The following KLF17 variants were observed in gnomAD, a reference collection of about 807,000 sequenced individuals.
KLF17 encodes KLF transcription factor 17, also known as Krueppel-like factor 17.
In KLF17, 31 loss-of-function variants were observed where a neutral mutation model predicts 34.2. That is an observed-to-expected ratio of 0.91 (90% CI 0.68 to 1.22). The LOEUF (loss-of-function observed/expected upper bound fraction) is 1.22. Among genes scored for constraint, KLF17 ranks in the 50% most tolerant of loss-of-function variants. The pLI, the probability that KLF17 is intolerant of heterozygous loss-of-function variation, is 0.00. For synonymous variants in KLF17, 179 were observed against 186.7 expected (o/e 0.96, Z 0.34); for missense variants, 478 against 505.2 (o/e 0.95, Z 0.52).
At chr1:44,117,859 GC>G (rs1315280239), upstream of KLF17, among the ~76,000 whole-genome samples, 1 of 152,142 alleles carries the variant, frequency 6.6e-6, no homozygotes, top group East Asian at 1.9e-4. Flanking sequence ...TCCATAAGGA[GC>G]CAAATGGTTT....
the KLF17 span, among the ~76,000 whole-genome samples, chr1:44,072,652 C>T: frequency 3.1e-4 from 47 of 152,170 alleles, no homozygotes; most frequent in Non-Finnish European, 6.3e-4. Flanking sequence ...TATGATCACA[C>T]CACTGCACCC....
chr1:44,128,293 G>A (rs1434355212), intron 1 of KLF17, among the ~76,000 whole-genome samples: 3 of 152,084 alleles, frequency 2.0e-5, no homozygotes, highest in African/African-American at 7.2e-5. Context: ...CAATCCACCT[G>A]CCTCGGCCTC....
At chr1:44,060,505 G>T in the KLF17 span, among the ~76,000 whole-genome samples, 2 of 152,204 alleles carry the variant, frequency 1.3e-5, no homozygotes, top group African/African-American at 2.4e-5. Flanking sequence ...ATGAACATAT[G>T]TTGGCCACCC....
intron 1 of KLF17, among the ~76,000 whole-genome samples, chr1:44,129,109 G>T (rs1442654624): frequency 6.6e-5 from 10 of 151,976 alleles, no homozygotes; most frequent in Non-Finnish European, 1.2e-4. Flanking sequence ...TTGTTGCTTT[G>T]TGTGAAATAA....
the KLF17 span, chr1:44,048,492 T>C: frequency 6.6e-6 from 1 of 152,236 alleles, no homozygotes; most frequent in Non-Finnish European, 1.5e-5. Context: ...TAATGGTGAG[T>C]ATTTTTGTCT....
chr1:44,090,951 C>T, the KLF17 span, among the ~76,000 whole-genome samples: 381 of 132,638 alleles, frequency 2.9e-3, 1 homozygote, highest in Middle Eastern at 7.6e-3. Flanking sequence ...CACACACACA[C>T]GCACGCATGC....
At chr1:44,120,252 G>A (rs564991148) in intron 1 of KLF17, among the ~76,000 whole-genome samples, 98 of 152,228 alleles carry the variant, frequency 6.4e-4, no homozygotes, top group Non-Finnish European at 1.2e-3. Flanking sequence ...TCAAACAATA[G>A]GTAGCTGGAA....
At chr1:44,082,561 C>G in the KLF17 span, among the ~76,000 whole-genome samples, 1 of 152,066 alleles carries the variant, frequency 6.6e-6, no homozygotes, top group Non-Finnish European at 1.5e-5. Flanking sequence ...ATGGGGGTTC[C>G]CTGAGAACAG....
chr1:44,091,592 G>A, the KLF17 span, among the ~76,000 whole-genome samples: 4 of 145,424 alleles, frequency 2.8e-5, no homozygotes, highest in Non-Finnish European at 6.0e-5. Flanking sequence ...GGAGGCGGAG[G>A]TTGCAGTGAG....
intron 1 of KLF17, among the ~76,000 whole-genome samples, chr1:44,120,266 T>A (rs1462674300): frequency 6.6e-6 from 1 of 152,214 alleles, no homozygotes; most frequent in Non-Finnish European, 1.5e-5. Flanking sequence ...GCTGGAAAAT[T>A]CAGGAGCCAT....
chr1:44,086,391 G>A, the KLF17 span, among the ~76,000 whole-genome samples: 33 of 152,316 alleles, frequency 2.2e-4, 1 homozygote, highest in East Asian at 1.5e-3. Flanking sequence ...ACTTGAATTC[G>A]GGAAGTAGAG....
chr1:44,119,074 C>T, intron 1 of KLF17, 86 bp downstream of exon 1: 2 of 934,430 alleles, frequency 2.1e-6, no homozygotes, highest in South Asian at 2.0e-5. Flanking sequence ...AGAGGTGAGG[C>T]GGAGGGAAGC....
chr1:44,074,693 T>C, the KLF17 span: 4 of 152,204 alleles, frequency 2.6e-5, no homozygotes, highest in South Asian at 2.1e-4. Flanking sequence ...CTTTCTGAAA[T>C]TTTCTAAAGT....
In KLF17 at chr1:44,121,226, C is replaced by T. The variant is rs150760605; in HGVS notation, c.81+2238C>T. ...CCGCTTCCCAGGTTCAAGCAATTCT[C>T]GTGCCTCAGCCTCCCAAGTAGCTGG... On this transcript the variant is annotated intron_variant, in intron 1 of 3. Coordinates refer to ENST00000372299, the MANE Select transcript of KLF17 (RefSeq NM_173484.4). Among the ~76,000 whole-genome samples, 442 of 152,280 alleles carry T rather than the reference C, an allele frequency of 2.9e-3. 4 individuals are homozygous for T. Among genetic ancestry groups the T allele is most frequent in the African/African-American group, 9.6e-3 (401 of 41,558 alleles).
At chr1:44,132,915 G>A (rs772282565) in intron 3 of KLF17, among the ~76,000 whole-genome samples, 1 of 152,176 alleles carries the variant, frequency 6.6e-6, no homozygotes, top group African/African-American at 2.4e-5. Flanking sequence ...AAGGAACTTG[G>A]CCAAGCTATC....
At chr1:44,118,767 C>A (rs929918041), upstream of KLF17, 21 of 636,868 alleles carry the variant, frequency 3.3e-5, no homozygotes, top group Non-Finnish European at 4.3e-5. Context: ...CGGGTGGGGC[C>A]TGACCCCGCC....
chr1:44,061,135 C>T, the KLF17 span: 1 of 152,144 alleles, frequency 6.6e-6, no homozygotes, highest in African/African-American at 2.4e-5. Context: ...ACAACAGTTC[C>T]AGGTAAAGAC....
At chr1:44,081,417 G>GTT in the KLF17 span, among the ~76,000 whole-genome samples, 6 of 140,426 alleles carry the variant, frequency 4.3e-5, no homozygotes, top group African/African-American at 5.2e-5. Context: ...CCCCATGGTA[G>GTT]TTTTTTTTTT....
chr1:44,058,667 CTTTTTTTTTTTTT>C, the KLF17 span, among the ~76,000 whole-genome samples: 17 of 65,220 alleles, frequency 2.6e-4, no homozygotes, highest in Admixed American at 5.6e-4. Flanking sequence ...ATGGGAGGCC[CTTTTTTTTTTTTT>C]TTTTTTTTTT....
Sources: gnomAD v4.1 joint callset for allele counts (sites outside exome capture counted in the v4.1 genomes callset) on GRCh38, gnomAD v4.1.1 for gene constraint, MANE v1.5 for transcripts, NCBI Gene and HGNC (gene_info 2026-07-23, HGNC 2026-07-21) for gene names.